Variants in PCDHGA3 observed in about 807,000 individuals in gnomAD.
PCDHGA3 encodes the protein protocadherin gamma-A3.
A neutral mutation model predicts 58.5 loss-of-function variants in PCDHGA3; 40 were observed. The ratio of observed to expected loss-of-function variants is 0.68; its 90% CI spans 0.53 to 0.89. PCDHGA3 has a LOEUF of 0.89. Ranked by LOEUF, PCDHGA3 falls within the 40% of genes least tolerant of loss-of-function variation. The pLI, the probability that PCDHGA3 is intolerant of heterozygous loss-of-function variation, is 0.00. For synonymous variants in PCDHGA3, 530 were observed against 525.7 expected (o/e 1.01, Z -0.11); for missense variants, 1,223 against 1,195.9 (o/e 1.02, Z -0.33).
chr5:141,358,755 C>A (rs926855640), intron 1 of PCDHGA3, among the ~76,000 whole-genome samples: 2 of 152,168 alleles, frequency 1.3e-5, no homozygotes, highest in African/African-American at 2.4e-5. Context: ...CTCTTGTCAT[C>A]ATGTGAGCCT....
At chr5:141,510,525 G>A (rs545854649) in intron 3 of PCDHGA3, among the ~76,000 whole-genome samples, 1 of 152,316 alleles carries the variant, frequency 6.6e-6, no homozygotes, top group African/African-American at 2.4e-5. Context: ...ACAGCCCTGA[G>A]AGAAATACCA....
rs73280920 is a variant in PCDHGA3 at position 141,453,809 on chromosome 5, A to G, written c.2425-40998A>G. Among the ~76,000 whole-genome samples, 1,254 of 152,338 alleles carry G rather than the reference A, an allele frequency of 8.2e-3. 17 individuals carry two copies. Among genetic ancestry groups the G allele is most frequent in the African/African-American group, 0.029 (1,191 of 41,572 alleles). On this transcript the variant is annotated intron_variant, in intron 1 of 3. Coordinates refer to ENST00000253812, the MANE Select transcript of PCDHGA3 (RefSeq NM_018916.4). ...GTATATTAACTTTGAGTAGTTCCATAAAGGACAAACTTGGCTGCTAGCCCT... is the reference window on the plus strand; with the variant it reads ...GTATATTAACTTTGAGTAGTTCCATGAAGGACAAACTTGGCTGCTAGCCCT...
At chr5:141,408,651 C>G (rs373860648) in intron 1 of PCDHGA3, 3 of 1,614,012 alleles carry the variant, frequency 1.9e-6, no homozygotes, top group South Asian at 1.1e-5. Context: ...TCCGCTGGTA[C>G]ACGACTATCG....
intron 1 of PCDHGA3, chr5:141,413,694 C>T: frequency 6.2e-7 from 1 of 1,613,800 alleles, no homozygotes; most frequent in Non-Finnish European, 8.5e-7. Context: ...CCCTGCAGAG[C>T]TATCAGCTCA....
At chr5:141,447,230 C>G (rs1309076828) in intron 1 of PCDHGA3, among the ~76,000 whole-genome samples, 1 of 152,132 alleles carries the variant, frequency 6.6e-6, no homozygotes, top group Non-Finnish European at 1.5e-5. Flanking sequence ...ACCTCCGCCT[C>G]CCGGGTTCAA....
At chr5:141,507,797 C>T (rs933921827) in intron 3 of PCDHGA3, among the ~76,000 whole-genome samples, 3 of 152,240 alleles carry the variant, frequency 2.0e-5, no homozygotes, top group Non-Finnish European at 2.9e-5. Flanking sequence ...TCTAAGCCTG[C>T]GCCCTGGGGA....
intron 1 of PCDHGA3, chr5:141,430,753 G>C (rs1175014357): frequency 6.6e-7 from 1 of 1,504,258 alleles, no homozygotes. Context: ...TCTGGAGGAA[G>C]ATAAGAATGA....
At chr5:141,393,592 G>T (rs200863279) in intron 1 of PCDHGA3, 1 of 1,613,908 alleles carries the variant, frequency 6.2e-7, no homozygotes, top group South Asian at 1.1e-5. Flanking sequence ...CCAGGCACGC[G>T]GCTGCTTACT....
rs70988800 is a variant in PCDHGA3, at chr5:141,379,889, C to CTT, written c.2424+33461_2424+33462dup. On this transcript the variant is annotated intron_variant, in intron 1 of 3. Transcript: ENST00000253812. ...CTTATTTTATGGTCTGTGAAAGCCT[C>CTT]TTTTTTTTTTTTTTTTTTTTTTTTT... Among the ~76,000 whole-genome samples the CTT allele has an allele frequency of 2.1e-3, 106 of 50,824 alleles. 11 individuals carry two copies. Among genetic ancestry groups the CTT allele is most frequent in the East Asian group, 2.5e-3 (4 of 1,606 alleles). 33.3% of individuals were successfully genotyped at this position (50,824 alleles called of 152,430 possible).
chr5:141,419,853 C>A lies in PCDHGA3; in HGVS notation c.2424+73396C>A, dbSNP rs1327953878. The A allele has an allele frequency of 1.9e-6, 3 of 1,614,072 alleles. No homozygotes were observed. In the Admixed American group the frequency reaches 5.0e-5, roughly 27 times the overall value. The stretch of plus-strand genomic sequence containing the variant: ...ACTGCCACGCTGCACCTGGTGTTCG[C>A]AGATAGCTTGCAAGAGGTACTGCCG... On this transcript the variant is annotated intron_variant, in intron 1 of 3. Transcript: ENST00000253812.
intron 1 of PCDHGA3, among the ~76,000 whole-genome samples, chr5:141,445,778 T>G (rs1045010487): frequency 6.6e-6 from 1 of 152,190 alleles, no homozygotes; most frequent in East Asian, 1.9e-4. Context: ...TTAAAAGGGC[T>G]AGGGAGGCTA....
At chr5:141,454,034 G>A (rs530844564) in intron 1 of PCDHGA3, among the ~76,000 whole-genome samples, 10 of 152,270 alleles carry the variant, frequency 6.6e-5, no homozygotes, top group African/African-American at 2.4e-4. Context: ...GAATTGGCCA[G>A]CAAAGATAAA....
intron 1 of PCDHGA3, among the ~76,000 whole-genome samples, chr5:141,406,747 CA>C (rs889749071): frequency 1.2e-4 from 19 of 152,168 alleles, no homozygotes; most frequent in Non-Finnish European, 2.1e-4. Flanking sequence ...TGTGAAATGA[CA>C]AAACAAGGAA....
At chr5:141,457,356 C>G (rs2098917888) in intron 1 of PCDHGA3, among the ~76,000 whole-genome samples, 1 of 152,170 alleles carries the variant, frequency 6.6e-6, no homozygotes, top group South Asian at 2.1e-4. Context: ...TTACCTGGCA[C>G]AATTTGCAAA....
At chr5:141,496,172 T>C (rs942740022) in intron 2 of PCDHGA3, among the ~76,000 whole-genome samples, 1 of 151,672 alleles carries the variant, frequency 6.6e-6, no homozygotes, top group Non-Finnish European at 1.5e-5. Context: ...CACCCTCCCA[T>C]CCAAGCAGCC....
intron 1 of PCDHGA3, chr5:141,419,596 G>T: frequency 6.2e-7 from 1 of 1,611,682 alleles, no homozygotes; most frequent in Non-Finnish European, 8.5e-7. Flanking sequence ...ACACAGTGCC[G>T]CGGGCCGCGC....
At position 141,481,880 on chromosome 5, in the gene PCDHGA3, C is replaced by T. The variant is rs555652518; in HGVS notation, c.2425-12927C>T. Among the ~76,000 whole-genome samples, 5 of 145,406 alleles carry T rather than the reference C, an allele frequency of 3.4e-5. No individual in the cohort carries two copies. The East Asian group carries it at 1.0e-3, about 29-fold the overall frequency. On this transcript the variant is annotated intron_variant, in intron 1 of 3. Transcript: ENST00000253812. ...AGTGAGCCGAGATCGCGCCACTGCA[C>T]TCCAGCCTGGGTGAAAGAGCGAAAC...
At chr5:141,446,169 C>A (rs920519501) in intron 1 of PCDHGA3, among the ~76,000 whole-genome samples, 1 of 152,014 alleles carries the variant, frequency 6.6e-6, no homozygotes, top group African/African-American at 2.4e-5. Flanking sequence ...TTCATGAGGG[C>A]AGGGGGTGTT....
At chr5:141,355,270 G>A (rs1278856954) in intron 1 of PCDHGA3, 1 of 1,613,670 alleles carries the variant, frequency 6.2e-7, no homozygotes, top group Non-Finnish European at 8.5e-7. Flanking sequence ...GGGGGTTCTG[G>A]TGGAAATCAG....
Sources: allele counts gnomAD v4.1 joint callset (sites outside exome capture counted in the v4.1 genomes callset), GRCh38; gene constraint gnomAD v4.1.1; transcripts MANE v1.5; gene names NCBI Gene and HGNC (gene_info 2026-07-23, HGNC 2026-07-21).